The following UMAD1 variants were observed in gnomAD, a reference collection of about 807,000 sequenced individuals.
UMAD1 encodes UBAP1-MVB12-associated (UMA) domain containing 1.
UMAD1 carries 8 observed loss-of-function variants against 6.1 expected under a neutral mutation model. The observed-to-expected ratio is 1.30, with a 90% CI of 0.76 to 2.35. The LOEUF is 2.35. Ranked by LOEUF, UMAD1 falls within the 30% of genes most tolerant of loss-of-function variation. The probability of loss-of-function intolerance (pLI) is 0.00; values close to 1 mark genes in which losing one functional copy is unlikely to be tolerated. For missense variants in UMAD1, 130 were observed against 78.4 expected (o/e 1.66, Z -2.49); for synonymous variants, 56 against 31.4 (o/e 1.78, Z -2.61).
At chr7:7,770,032 C>G (rs139543936) in intron 2 of UMAD1, among the ~76,000 whole-genome samples, 264 of 152,256 alleles carry the variant, frequency 1.7e-3, no homozygotes, top group African/African-American at 6.2e-3. Flanking sequence ...TTCTTTCAGA[C>G]TTATTTCTAA....
At chr7:7,746,589 C>T (rs935240990) in intron 2 of UMAD1, among the ~76,000 whole-genome samples, 12 of 152,188 alleles carry the variant, frequency 7.9e-5, no homozygotes, top group Admixed American at 7.9e-4. Context: ...ATGCTTATCA[C>T]CTTGTAAAGT....
At chr7:7,734,739 C>T (rs1019169196) in intron 2 of UMAD1, among the ~76,000 whole-genome samples, 2 of 152,074 alleles carry the variant, frequency 1.3e-5, no homozygotes, top group Non-Finnish European at 2.9e-5. Flanking sequence ...AAATAGTTAC[C>T]TATCATTTCC....
At chr7:7,835,792 T>C (rs1025460860) in intron 3 of UMAD1, among the ~76,000 whole-genome samples, 7 of 152,172 alleles carry the variant, frequency 4.6e-5, no homozygotes, top group Admixed American at 6.5e-5. Context: ...TCTGAGGTTT[T>C]GTTTCCATTT....
intron 3 of UMAD1, among the ~76,000 whole-genome samples, chr7:7,854,355 C>CAAA (rs34829393): frequency 0.012 from 592 of 48,838 alleles, 29 homozygotes; most frequent in African/African-American, 0.023. Flanking sequence ...AGCTCCATCT[C>CAAA]AAAAAAAAAA....
At chr7:7,857,497 G>A (rs1163029223) in intron 3 of UMAD1, among the ~76,000 whole-genome samples, 1 of 152,236 alleles carries the variant, frequency 6.6e-6, no homozygotes, top group Non-Finnish European at 1.5e-5. Context: ...GTTGAATGCA[G>A]TCAGTCCCTG....
At chr7:7,834,389 G>A (rs1783525732) in intron 3 of UMAD1, among the ~76,000 whole-genome samples, 1 of 151,990 alleles carries the variant, frequency 6.6e-6, no homozygotes, top group South Asian at 2.1e-4. Flanking sequence ...CTATTTCCCA[G>A]GCTTTTTATA....
chr7:7,688,845 G>A (rs1267889032), intron 2 of UMAD1, among the ~76,000 whole-genome samples: 2 of 152,140 alleles, frequency 1.3e-5, no homozygotes, highest in Non-Finnish European at 2.9e-5. Context: ...CTTTTGTAAT[G>A]ACTTGTAAAC....
intron 2 of UMAD1, among the ~76,000 whole-genome samples, chr7:7,721,050 C>T (rs1467046833): frequency 6.6e-6 from 1 of 152,010 alleles, no homozygotes; most frequent in South Asian, 2.1e-4. Context: ...AGGCAGAGAT[C>T]GAAATGATGC....
chr7:7,853,759 T>G (rs555873541), intron 3 of UMAD1, among the ~76,000 whole-genome samples: 87 of 152,276 alleles, frequency 5.7e-4, no homozygotes, highest in African/African-American at 2.1e-3. Context: ...TAGAGATAGT[T>G]TTCCTTCTTC....
At chr7:7,807,280 T>C (rs1291135842) in intron 3 of UMAD1, among the ~76,000 whole-genome samples, 2 of 152,172 alleles carry the variant, frequency 1.3e-5, no homozygotes, top group Admixed American at 1.3e-4. Context: ...TGAATAATTT[T>C]GTCTACTTGT....
At chr7:7,818,704 G>A (rs12702659) in intron 3 of UMAD1, among the ~76,000 whole-genome samples, 88,860 of 151,952 alleles carry the variant, frequency 0.58, 26,265 homozygotes, top group Non-Finnish European at 0.61. Flanking sequence ...ATAAAGACAC[G>A]TGCACACTTA....
At chr7:7,670,746 A>G (rs1779586285) in intron 1 of UMAD1, among the ~76,000 whole-genome samples, 2 of 152,054 alleles carry the variant, frequency 1.3e-5, no homozygotes, top group African/African-American at 4.8e-5. Context: ...TTACCCTTAC[A>G]CCCTGGTGGA....
At chr7:7,739,448 G>C (rs1404707733) in intron 2 of UMAD1, among the ~76,000 whole-genome samples, 1 of 152,198 alleles carries the variant, frequency 6.6e-6, no homozygotes, top group Non-Finnish European at 1.5e-5. Flanking sequence ...TTGGTAGCAA[G>C]CTTAACAAGT....
intron 3 of UMAD1, among the ~76,000 whole-genome samples, chr7:7,818,102 T>G (rs1348664645): frequency 6.6e-6 from 1 of 152,176 alleles, no homozygotes; most frequent in Admixed American, 6.5e-5. Flanking sequence ...TTAAGCCTAG[T>G]AGTACTTAGT....
intron 3 of UMAD1, among the ~76,000 whole-genome samples, chr7:7,876,848 C>A (rs183744650): frequency 1.1e-4 from 17 of 152,272 alleles, no homozygotes; most frequent in Admixed American, 3.3e-4. Context: ...CACATATAGG[C>A]AACACCAAAT....
intron 2 of UMAD1, chr7:7,689,500 T>G (rs1563124746): frequency 6.6e-6 from 1 of 152,292 alleles, no homozygotes; most frequent in East Asian, 1.9e-4. Context: ...TAAGCCACTT[T>G]TAGCTAGGTT....
At chr7:7,694,260 A>T (rs1250696063) in intron 2 of UMAD1, among the ~76,000 whole-genome samples, 1 of 152,160 alleles carries the variant, frequency 6.6e-6, no homozygotes, top group East Asian at 1.9e-4. Context: ...AGTATATAGT[A>T]GGTATATATA....
intron 2 of UMAD1, among the ~76,000 whole-genome samples, chr7:7,686,911 T>A (rs1429033809): frequency 6.6e-6 from 1 of 152,208 alleles, no homozygotes; most frequent in Non-Finnish European, 1.5e-5. Context: ...ACTTCCCTTA[T>A]CCTGGAATGT....
intron 3 of UMAD1, among the ~76,000 whole-genome samples, chr7:7,842,629 A>C (rs888196014): frequency 4.6e-5 from 7 of 152,120 alleles, no homozygotes; most frequent in African/African-American, 1.7e-4. Context: ...AAAAAAAAAA[A>C]AACTAATATG....
Sources: allele counts gnomAD v4.1 joint callset (sites outside exome capture counted in the v4.1 genomes callset), GRCh38; gene constraint gnomAD v4.1.1; transcripts MANE v1.5; gene names NCBI Gene and HGNC (gene_info 2026-07-23, HGNC 2026-07-21).